The following AOC1 variants were observed in gnomAD, a reference collection of about 807,000 sequenced individuals.
AOC1 encodes the protein amine oxidase copper containing 1.
AOC1 carries 58 observed loss-of-function variants against 57.1 expected under a neutral mutation model. That is an observed-to-expected ratio of 1.02 (90% CI 0.82 to 1.26). AOC1 has a LOEUF of 1.26. Ranked by LOEUF, AOC1 falls within the 50% of genes most tolerant of loss-of-function variation. AOC1 has a pLI of 0.00. For missense variants in AOC1, 917 were observed against 1,005.3 expected, an observed-to-expected ratio of 0.91 and a Z score of 1.19; for synonymous variants, 401 against 423.4, an observed-to-expected ratio of 0.95 and a Z score of 0.65.
Position 150,861,105 on chromosome 7 carries a change from C to G in AOC1, c.2152C>G (p.Pro718Ala), listed in dbSNP as rs1799955968. ...LASRDTVIVW[P>A]RDNGPNYVQR... ...ATCCAGAGACACTGTGATCGTGTGG[C>G]CTCGGGACAACGGCCCCAACTACGT... Residue 718 changes from proline (P) to alanine (A), a missense_variant, in exon 5 of 5, where the codon CCT (proline) becomes GCT (alanine). Physicochemically the swap from Pro to Ala is conservative, Grantham distance 27 (BLOSUM62 -1). Coordinates refer to ENST00000360937, the MANE Select transcript of AOC1 (RefSeq NM_001091.4). The surrounding 1 kb of genome is among the most constrained non-coding windows in gnomAD (Gnocchi z 4.5). 5.6e-6 allele frequency: 9 copies of G among 1,614,036 alleles called. 1 individual carries two copies. Among genetic ancestry groups the G allele is most frequent in the Non-Finnish European group, 7.6e-6 (9 of 1,180,014 alleles).
intron 1 of AOC1, among the ~76,000 whole-genome samples, chr7:150,854,820 C>T (rs1325736306): frequency 5.3e-5 from 8 of 152,222 alleles, no homozygotes; most frequent in Admixed American, 5.2e-4. Context: ...CTCAGTTACA[C>T]CTCACACCCT....
chr7:150,859,531 A>T (rs534138139), intron 3 of AOC1, among the ~76,000 whole-genome samples: 1 of 151,852 alleles, frequency 6.6e-6, no homozygotes, highest in Admixed American at 6.6e-5. Flanking sequence ...GTGAAACCTC[A>T]TCTCTACTAA....
In AOC1 at chr7:150,857,388, C is replaced by T. The variant is rs542941075; in HGVS notation, c.918C>T (p.His306=). 1.4e-5 allele frequency: 22 copies of T among 1,609,746 alleles called. No individual in the cohort carries two copies. Among genetic ancestry groups the T allele is most frequent in the African/African-American group, 6.7e-5 (5 of 74,894 alleles). Reference sequence around the variant, plus strand: ...GCGGCCCCCGCTTGGTCCAGCCCCACGGCCCTCGCTTCAGGCTGGAGGGCA... The same window carrying T: ...GCGGCCCCCGCTTGGTCCAGCCCCATGGCCCTCGCTTCAGGCTGGAGGGCA... ...HVSGPRLVQP[H]GPRFRLEGNA... is the part of the protein sequence containing the mutation. Residue 306 remains histidine, a synonymous_variant, in exon 2 of 5, where the codon CAC becomes CAT. Coordinates refer to ENST00000360937, the MANE Select transcript of AOC1 (RefSeq NM_001091.4). This position sits in a 1 kb window ranked among gnomAD's most constrained non-coding sequence, Gnocchi z 6.6.
chr7:150,858,556 G>A (rs1799865229), intron 2 of AOC1, among the ~76,000 whole-genome samples: 1 of 152,172 alleles, frequency 6.6e-6, no homozygotes, highest in African/African-American at 2.4e-5. Flanking sequence ...TGCAGCCACA[G>A]CAGATGGGCA....
At chr7:150,855,929 C>T (rs1025485882) in intron 1 of AOC1, among the ~76,000 whole-genome samples, 1 of 151,482 alleles carries the variant, frequency 6.6e-6, no homozygotes, top group Admixed American at 6.6e-5. Flanking sequence ...CAAGGCCACA[C>T]AGCAAGTCCT....
intron 1 of AOC1, among the ~76,000 whole-genome samples, chr7:150,853,661 CTATATATATATATATATATA>C (rs201712777): frequency 1.8e-4 from 11 of 62,764 alleles, no homozygotes; most frequent in Middle Eastern, 8.2e-3. Flanking sequence ...GAGATCCTGA[CTATATATATATATATATATA>C]TATATATATA....
At chr7:150,853,200 G>A (rs201435354) in intron 1 of AOC1, among the ~76,000 whole-genome samples, 4 of 152,188 alleles carry the variant, frequency 2.6e-5, no homozygotes, top group South Asian at 4.1e-4. Flanking sequence ...CCATGTCATT[G>A]TCCGTTTGTC....
chr7:150,856,835 C>T lies in AOC1; in HGVS notation c.365C>T (p.Pro122Leu). 1 of 1,614,058 alleles carries T rather than the reference C, an allele frequency of 6.2e-7. No individual in the cohort carries two copies. Among genetic ancestry groups the T allele is most frequent in the South Asian group, 1.1e-5 (1 of 91,088 alleles). The change falls in exon 2 of 5, where the codon CCC becomes CTC. Residue 122 changes from proline to leucine, a missense_variant. Pro to Leu is a moderately conservative substitution (Grantham distance 98). Coordinates refer to ENST00000360937, the MANE Select transcript of AOC1 (RefSeq NM_001091.4). This position sits in a 1 kb window ranked among gnomAD's most constrained non-coding sequence, Gnocchi z 5.2. ...TEFAVGPLPG[P>L]CYMRALSPRP... ...TTTGCTGTGGGGCCCCTGCCAGGGC[C>T]CTGCTACATGCGAGCACTGTCCCCC...
At chr7:150,855,844 G>C (rs967647411) in intron 1 of AOC1, among the ~76,000 whole-genome samples, 6 of 152,144 alleles carry the variant, frequency 3.9e-5, no homozygotes, top group African/African-American at 1.4e-4. Context: ...ACAACCCTAG[G>C]AGCTAAGCAC....
rs1232362627 is a variant in AOC1 at position 150,857,816 on chromosome 7, T to C, written c.1346T>C (p.Val449Ala). The change falls in exon 2 of 5, where the codon GTG (valine) becomes GCG (alanine). Residue 449 changes from valine (V) to alanine (A), a missense_variant. Val to Ala is a moderately conservative substitution (Grantham distance 64). Transcript: ENST00000360937. This position sits in a 1 kb window ranked among gnomAD's most constrained non-coding sequence, Gnocchi z 6.6. Reference protein sequence around the residue: ...FNFYAGLKGQVLVLRTTSTVY... With the variant: ...FNFYAGLKGQALVLRTTSTVY... Reference sequence around the variant, plus strand: ...TTCTATGCGGGGCTGAAGGGCCAGGTGCTGGTGCTGCGGACAACTTCAACT... The same window carrying C: ...TTCTATGCGGGGCTGAAGGGCCAGGCGCTGGTGCTGCGGACAACTTCAACT... 4 of 1,614,058 alleles carry C rather than the reference T, an allele frequency of 2.5e-6. No homozygotes were observed. The East Asian group carries it at 6.7e-5, about 27-fold the overall frequency.
At chr7:150,855,779 T>C (rs1161959176) in intron 1 of AOC1, among the ~76,000 whole-genome samples, 1 of 152,220 alleles carries the variant, frequency 6.6e-6, no homozygotes, top group Non-Finnish European at 1.5e-5. Context: ...GTATTTCCCA[T>C]ATGGCAGACA....
chr7:150,858,307 G>A (rs539875482), intron 2 of AOC1, among the ~76,000 whole-genome samples: 13 of 152,324 alleles, frequency 8.5e-5, no homozygotes, highest in East Asian at 7.7e-4. Context: ...CGGTGCCTAT[G>A]AGGGTAAGAA....
chr7:150,857,088 T>C lies in AOC1; in HGVS notation c.618T>C (p.Tyr206=), dbSNP rs1799802177. 3 of 1,613,988 alleles carry C rather than the reference T, an allele frequency of 1.9e-6. No homozygotes were observed. Among genetic ancestry groups the C allele is most frequent in the South Asian group, 1.1e-5 (1 of 91,096 alleles). Residue 206 remains tyrosine (Y), a synonymous_variant, in exon 2 of 5, where the codon TAT becomes TAC. Transcript: ENST00000360937. The surrounding 1 kb of genome is among the most constrained non-coding windows in gnomAD (Gnocchi z 6.6). ...GCAGTTGGCTTATCATACAGCGCTA[T>C]GTAGAAGGCTACTTTCTGCACCCCA... The part of the protein sequence containing the change: ...QRRSWLIIQR[Y]VEGYFLHPTG...
chr7:150,857,000 G>A lies in AOC1; in HGVS notation c.530G>A (p.Cys177Tyr), dbSNP rs1239324659. 1 of 1,614,182 alleles carries A rather than the reference G, an allele frequency of 6.2e-7. No homozygotes were observed. Among genetic ancestry groups the A allele is most frequent in the Non-Finnish European group, 8.5e-7 (1 of 1,180,004 alleles). ...ACCACAGGCTTCTCATTCCAAGACT[G>A]CCATGACAGATGCCTGGCCTTCACC... is the stretch of plus-strand genomic sequence containing the variant. ...LNTTGFSFQD[C>Y]HDRCLAFTDV... Residue 177 changes from cysteine (C) to tyrosine (Y), a missense_variant, in exon 2 of 5, where the codon TGC becomes TAC. By Grantham distance (194) the Cys-to-Tyr change is radical. Coordinates refer to ENST00000360937, the MANE Select transcript of AOC1 (RefSeq NM_001091.4). The surrounding 1 kb of genome is among the most constrained non-coding windows in gnomAD (Gnocchi z 5.2).
chr7:150,853,618 C>A (rs1405530789), intron 1 of AOC1, among the ~76,000 whole-genome samples: 1 of 144,672 alleles, frequency 6.9e-6, no homozygotes, highest in African/African-American at 2.5e-5. Flanking sequence ...TCACTTGAGC[C>A]CAGGAGTTCA....
intron 3 of AOC1, 27 bp downstream of exon 3, chr7:150,859,075 G>T: frequency 6.6e-7 from 1 of 1,516,960 alleles, no homozygotes; most frequent in Non-Finnish European, 8.8e-7. Context: ...GGGCCTGGGG[G>T]AGGGTCAGTG....
At chr7:150,854,205 G>C (rs1291597935) in intron 1 of AOC1, 1 of 152,140 alleles carries the variant, frequency 6.6e-6, no homozygotes, top group Non-Finnish European at 1.5e-5. Context: ...GTGGGTTCCA[G>C]GGTCTTCTGC....
chr7:150,856,263 T>C lies in AOC1; in HGVS notation c.-16-192T>C, dbSNP rs929117168. On this transcript the variant is annotated intron_variant, in intron 1 of 4. Transcript: ENST00000360937. This position sits in a 1 kb window ranked among gnomAD's most constrained non-coding sequence, Gnocchi z 5.2. The stretch of plus-strand genomic sequence containing the variant: ...TGAGGAGAGGGCAGAAATAAATGGA[T>C]GGATGCACAGGCAGCGGCCCGACGG... Among the ~76,000 whole-genome samples, 7 of 152,024 alleles carry C rather than the reference T, an allele frequency of 4.6e-5. No homozygotes were observed. Among genetic ancestry groups the C allele is most frequent in the Non-Finnish European group, 1.0e-4 (7 of 67,986 alleles).
In AOC1 at chr7:150,860,904, C is replaced by T. The variant is rs537283342; in HGVS notation, c.1990-39C>T. On this transcript the variant is annotated intron_variant, in intron 4 of 4. Transcript: ENST00000360937. ...CTAGAGTGGCCTCCAGTGGTCAGTA[C>T]TCAGCCCTGCCCACTGAAGCCCACC... 7.0e-5 allele frequency: 112 copies of T among 1,592,686 alleles called. No individual in the cohort carries two copies. The East Asian group carries it at 2.3e-3, about 33-fold the overall frequency.
Sources: gnomAD v4.1 joint callset for allele counts (sites outside exome capture counted in the v4.1 genomes callset) on GRCh38, gnomAD v4.1.1 for gene constraint, Gnocchi (gnomAD v3.1) non-coding constraint, MANE v1.5 for transcripts, NCBI Gene and HGNC (gene_info 2026-07-23, HGNC 2026-07-21) for gene names.